The following C1QTNF3 variants were observed in gnomAD, a reference collection of about 807,000 sequenced individuals.
C1QTNF3 encodes the protein complement C1q tumor necrosis factor-related protein 3.
Under a neutral mutation model 32.6 loss-of-function variants are expected in C1QTNF3, and 26 were observed. The observed-to-expected ratio is 0.80, with a 90% confidence interval of 0.58 to 1.11. The LOEUF is 1.11. Ranked by LOEUF, C1QTNF3 falls within the 50% of genes least tolerant of loss-of-function variation. The pLI is 0.00. For missense variants in C1QTNF3, 362 were observed against 398.2 expected, an observed-to-expected ratio of 0.91 and a Z score of 0.77; for synonymous variants, 155 against 146.0, an observed-to-expected ratio of 1.06 and a Z score of -0.44.
chr5:34,092,886 C>T, the C1QTNF3 span, among the ~76,000 whole-genome samples: 7 of 151,990 alleles, frequency 4.6e-5, no homozygotes, highest in South Asian at 1.5e-3. Context: ...AAACAATATA[C>T]CTATTCACCA....
chr5:34,054,121 A>T, the C1QTNF3 span, among the ~76,000 whole-genome samples: 3 of 152,214 alleles, frequency 2.0e-5, no homozygotes, highest in African/African-American at 7.2e-5. Flanking sequence ...TGGCTTTCAG[A>T]GTCCCCCAGA....
the C1QTNF3 span, among the ~76,000 whole-genome samples, chr5:34,211,116 A>T: frequency 6.6e-6 from 1 of 151,104 alleles, no homozygotes; most frequent in Non-Finnish European, 1.5e-5. Flanking sequence ...TGTAACAAAA[A>T]GAAAAATGAC....
At chr5:34,231,690 G>A in the C1QTNF3 span, among the ~76,000 whole-genome samples, 1 of 152,168 alleles carries the variant, frequency 6.6e-6, no homozygotes, top group East Asian at 1.9e-4. Flanking sequence ...GACGGGAAGA[G>A]TTGAGGTTTG....
intron 4 of C1QTNF3, 92 bp downstream of exon 4, chr5:34,028,662 C>T: frequency 8.8e-7 from 1 of 1,132,550 alleles, no homozygotes; most frequent in Non-Finnish European, 1.2e-6. Context: ...CCCTCCCTTT[C>T]TCCGTCCCTC....
chr5:34,224,711 C>A, the C1QTNF3 span, among the ~76,000 whole-genome samples: 18,054 of 152,034 alleles, frequency 0.12, 2,886 homozygotes, highest in African/African-American at 0.37. Flanking sequence ...AGAAGAAAAC[C>A]TAGGCATTAC....
At chr5:34,025,066 T>C (rs1219089428) in intron 4 of C1QTNF3, among the ~76,000 whole-genome samples, 1 of 152,210 alleles carries the variant, frequency 6.6e-6, no homozygotes, top group African/African-American at 2.4e-5. Context: ...CAAAGAAGTA[T>C]GATGATGCTT....
At chr5:34,233,527 A>C in the C1QTNF3 span, among the ~76,000 whole-genome samples, 3 of 151,220 alleles carry the variant, frequency 2.0e-5, no homozygotes, top group Non-Finnish European at 4.4e-5. Flanking sequence ...TTCTTTTGAA[A>C]TCATATCACC....
chr5:34,105,559 T>C, the C1QTNF3 span, among the ~76,000 whole-genome samples: 13 of 152,032 alleles, frequency 8.6e-5, no homozygotes, highest in African/African-American at 2.9e-4. Flanking sequence ...CTCCTTTATA[T>C]TGTAGGTTCC....
the C1QTNF3 span, among the ~76,000 whole-genome samples, chr5:34,058,081 C>T: frequency 6.6e-6 from 1 of 152,264 alleles, no homozygotes; most frequent in African/African-American, 2.4e-5. Context: ...ACGTATCTAC[C>T]ACACTTGCAG....
At chr5:34,238,987 T>C in the C1QTNF3 span, among the ~76,000 whole-genome samples, 4 of 152,196 alleles carry the variant, frequency 2.6e-5, no homozygotes, top group Non-Finnish European at 4.4e-5. Context: ...AGAGCCTATG[T>C]CCAACATCAT....
At chr5:34,174,133 C>T in the C1QTNF3 span, among the ~76,000 whole-genome samples, 1 of 152,222 alleles carries the variant, frequency 6.6e-6, no homozygotes, top group Non-Finnish European at 1.5e-5. Context: ...TCTCAGCTCA[C>T]TGCAGCCTCC....
At chr5:34,031,633 G>T (rs1032187343) in intron 3 of C1QTNF3, among the ~76,000 whole-genome samples, 3 of 152,096 alleles carry the variant, frequency 2.0e-5, no homozygotes, top group Admixed American at 2.0e-4. Context: ...AGGAGTTTGA[G>T]ATCAGCCTGG....
At chr5:34,141,454 C>A in the C1QTNF3 span, among the ~76,000 whole-genome samples, 1 of 152,084 alleles carries the variant, frequency 6.6e-6, no homozygotes, top group South Asian at 2.1e-4. Context: ...GAGGAAGAAC[C>A]TGTTTCATGC....
At chr5:34,116,045 T>C in the C1QTNF3 span, among the ~76,000 whole-genome samples, 1 of 152,170 alleles carries the variant, frequency 6.6e-6, no homozygotes, top group Non-Finnish European at 1.5e-5. Context: ...CTTTAGTTTT[T>C]TGTATACTTT....
the C1QTNF3 span, among the ~76,000 whole-genome samples, chr5:34,140,218 T>A: frequency 6.6e-6 from 1 of 152,214 alleles, no homozygotes; most frequent in African/African-American, 2.4e-5. Context: ...AGAATTAGAA[T>A]CTTTATTCTA....
At chr5:34,087,844 A>C in the C1QTNF3 span, among the ~76,000 whole-genome samples, 1 of 152,234 alleles carries the variant, frequency 6.6e-6, no homozygotes, top group South Asian at 2.1e-4. Context: ...TTGGACTCCC[A>C]AAGTGCTGGG....
At chr5:34,063,980 A>G in the C1QTNF3 span, among the ~76,000 whole-genome samples, 1 of 152,142 alleles carries the variant, frequency 6.6e-6, no homozygotes, top group East Asian at 1.9e-4. Flanking sequence ...GATCTCAACC[A>G]GCTAATGCCA....
At chr5:34,129,196 G>A in the C1QTNF3 span, among the ~76,000 whole-genome samples, 1 of 152,000 alleles carries the variant, frequency 6.6e-6, no homozygotes, top group African/African-American at 2.4e-5. Context: ...CATTTCCTGA[G>A]GCCTCTCCAG....
chr5:34,241,071 C>A, the C1QTNF3 span, among the ~76,000 whole-genome samples: 1 of 151,794 alleles, frequency 6.6e-6, no homozygotes, highest in South Asian at 2.1e-4. Flanking sequence ...AATCCAGTGC[C>A]CCTTCATGAA....
Sources: gnomAD v4.1 joint callset for allele counts (sites outside exome capture counted in the v4.1 genomes callset) on GRCh38, gnomAD v4.1.1 for gene constraint, MANE v1.5 for transcripts, NCBI Gene and HGNC (gene_info 2026-07-23, HGNC 2026-07-21) for gene names.